Variants in RASGRP4 observed in about 807,000 individuals in gnomAD.
RASGRP4 encodes the protein RAS guanyl releasing protein 4.
In RASGRP4, 52 loss-of-function variants were observed where a neutral mutation model predicts 84.4. The observed-to-expected ratio is 0.62, with a 90% CI of 0.49 to 0.78. RASGRP4 has a LOEUF of 0.78. Ranked by LOEUF, RASGRP4 falls within the 30% of genes least tolerant of loss-of-function variation. The pLI, the probability that RASGRP4 is intolerant of heterozygous loss-of-function variation, is 0.00. For synonymous variants in RASGRP4, 356 were observed against 359.1 expected, an observed-to-expected ratio of 0.99 and a Z score of 0.10; for missense variants, 760 against 886.9, an observed-to-expected ratio of 0.86 and a Z score of 1.82.
At chr19:38,425,192 AAAAC>A (rs1391891085) in intron 1 of RASGRP4, among the ~76,000 whole-genome samples, 13 of 150,168 alleles carry the variant, frequency 8.7e-5, no homozygotes, top group Non-Finnish European at 1.3e-4. Flanking sequence ...TCAAAAAAAA[AAAAC>A]AAAAAAAAAA....
chr19:38,420,296 G>C, intron 4 of RASGRP4, 34 bp from the exon 5 acceptor site: 1 of 1,604,604 alleles, frequency 6.2e-7, no homozygotes, highest in Admixed American at 1.7e-5. Flanking sequence ...AGATGAGGCC[G>C]GGGGTGGCGA....
intron 1 of RASGRP4, among the ~76,000 whole-genome samples, chr19:38,422,590 T>C (rs1323973731): frequency 6.7e-6 from 1 of 148,186 alleles, no homozygotes; most frequent in Non-Finnish European, 1.5e-5. Flanking sequence ...GCGAGGGATC[T>C]AGGCTGCGTG....
intron 1 of RASGRP4, among the ~76,000 whole-genome samples, chr19:38,424,619 G>C (rs987320392): frequency 2.1e-5 from 3 of 142,748 alleles, no homozygotes; most frequent in Non-Finnish European, 1.5e-5. Flanking sequence ...GTGTCAATGG[G>C]GGGGGGGGTC....
intron 1 of RASGRP4, among the ~76,000 whole-genome samples, chr19:38,423,504 T>C (rs1172021110): frequency 6.9e-6 from 1 of 144,594 alleles, no homozygotes; most frequent in Non-Finnish European, 1.5e-5. Flanking sequence ...CCAACCTGGG[T>C]GACAGAGTGA....
intron 9 of RASGRP4, among the ~76,000 whole-genome samples, chr19:38,414,374 A>G (rs1269650440): frequency 1.3e-5 from 1 of 77,286 alleles, no homozygotes; most frequent in Non-Finnish European, 2.1e-5. Flanking sequence ...GCTGGGGTGC[A>G]ATGGCGCAAT....
Position 38,411,189 on chromosome 19 carries a change from CTCT to C in RASGRP4, c.1775_1777del (p.Lys592del), listed in dbSNP as rs770449258. ...TCCTGCATCGCCCTTGGCCCCTGGC[CTCT>C]TCTTACATTCTACCTTCACCTGGTC... On this transcript the variant is annotated inframe_deletion, in exon 15 of 17. Coordinates refer to ENST00000615439, the MANE Select transcript of RASGRP4 (RefSeq NM_170604.3). The C allele has an allele frequency of 1.2e-6, 2 of 1,613,974 alleles. No homozygotes were observed. The highest frequency in any genetic ancestry group is 1.7e-6 in the Non-Finnish European group (2 of 1,179,892).
At position 38,413,399 on chromosome 19, in the gene RASGRP4, T is replaced by C; in HGVS notation, c.1306A>G (p.Ser436Gly). 2 of 1,609,592 alleles carry C rather than the reference T, an allele frequency of 1.2e-6. No homozygotes were observed. The highest frequency in any genetic ancestry group is 1.7e-6 in the Non-Finnish European group (2 of 1,177,972). The change falls in exon 10 of 17, where the codon AGC (serine) becomes GGC (glycine). Residue 436 changes from serine to glycine, a missense_variant. Coordinates refer to ENST00000615439, the MANE Select transcript of RASGRP4 (RefSeq NM_170604.3). The surrounding 1 kb of genome is among the most constrained non-coding windows in gnomAD (Gnocchi z 4.7). The stretch of plus-strand genomic sequence containing the variant: ...GGCCAGGGGTTGGGTCTCACCAGGC[T>C]CTTGGGACAACGCGGCTCCCGGGCA... ...SYAREPRCPK[S>G]LPPSPFNAPL...
At position 38,417,942 on chromosome 19, in the gene RASGRP4, A is replaced by AG. The variant is rs1971568659; in HGVS notation, c.837+448dup. 1.0e-5 allele frequency among the ~76,000 whole-genome samples: 1 copy of AG among 99,890 alleles called. No individual in the cohort carries two copies. The highest frequency in any genetic ancestry group is 2.0e-5 in the Non-Finnish European group (1 of 49,420). The allele number at this position is 99,890 out of a possible 152,430, so 65.5% of individuals were successfully genotyped here. On this transcript the variant is annotated intron_variant, in intron 7 of 16. Coordinates refer to ENST00000615439, the MANE Select transcript of RASGRP4 (RefSeq NM_170604.3). This position sits in a 1 kb window ranked among gnomAD's most constrained non-coding sequence, Gnocchi z 5.1. ...AAGGGCGAGAAGGTGTCCGGAAAGG[A>AG]GGGGGAAGGGAGGGGAAGAGAAGGG... is the stretch of plus-strand genomic sequence containing the variant.
chr19:38,417,848 C>T lies in RASGRP4; in HGVS notation c.837+543G>A, dbSNP rs1030565328. On this transcript the variant is annotated intron_variant, in intron 7 of 16. Transcript: ENST00000615439. The surrounding 1 kb of genome is among the most constrained non-coding windows in gnomAD (Gnocchi z 5.1). ...GCCAGGGAAGACACCAGAGGAAGGG[C>T]GTGGTCTGCGTGGAAATACGCAAGG... 6.6e-6 allele frequency among the ~76,000 whole-genome samples: 1 copy of T among 152,064 alleles called. No individual in the cohort carries two copies. The highest frequency in any genetic ancestry group is 1.5e-5 in the Non-Finnish European group (1 of 67,990).
At chr19:38,410,425 T>C (rs1971185466) in intron 16 of RASGRP4, among the ~76,000 whole-genome samples, 1 of 151,524 alleles carries the variant, frequency 6.6e-6, no homozygotes, top group Admixed American at 6.6e-5. Context: ...TTTTTTTTTT[T>C]TTTTTGAGAC....
At position 38,409,694 on chromosome 19, in the gene RASGRP4, C is replaced by G. The variant is rs1212372496; in HGVS notation, c.*346G>C. 1.2e-5 allele frequency: 2 copies of G among 163,540 alleles called. No homozygotes were observed. The highest frequency in any genetic ancestry group is 2.4e-5 in the African/African-American group (1 of 41,648). 10.1% of individuals were successfully genotyped at this position (163,540 alleles called of 1,614,324 possible). ...CGGAAGTTGCAGTGAGCTGAGATTGCATCATTGCACTCCAGCCTGGGTGAC... is the reference window on the plus strand; with the variant it reads ...CGGAAGTTGCAGTGAGCTGAGATTGGATCATTGCACTCCAGCCTGGGTGAC... On this transcript the variant is annotated 3_prime_UTR_variant, in exon 17 of 17. Coordinates refer to ENST00000615439, the MANE Select transcript of RASGRP4 (RefSeq NM_170604.3).
chr19:38,412,404 G>A lies in RASGRP4; in HGVS notation c.1680+268C>T. The A allele has an allele frequency of 2.3e-6, 1 of 439,590 alleles. No homozygotes were observed. The highest frequency in any genetic ancestry group is 4.1e-6 in the Non-Finnish European group (1 of 244,342). 27.2% of individuals were successfully genotyped at this position (439,590 alleles called of 1,614,324 possible). A position where few individuals can be genotyped will look rare whatever the true frequency, so the allele number is the denominator to read the frequency against. On this transcript the variant is annotated intron_variant, in intron 13 of 16. Coordinates refer to ENST00000615439, the MANE Select transcript of RASGRP4 (RefSeq NM_170604.3). This position sits in a 1 kb window ranked among gnomAD's most constrained non-coding sequence, Gnocchi z 4.6. ...CCCCAAGTGCTGGGATTACAGGCGTGAGCCACCACTCCTGGCCTCCTATCT... is the reference window on the plus strand; with the variant it reads ...CCCCAAGTGCTGGGATTACAGGCGTAAGCCACCACTCCTGGCCTCCTATCT...
chr19:38,423,867 G>A (rs62118965), intron 1 of RASGRP4, among the ~76,000 whole-genome samples: 1 of 151,880 alleles, frequency 6.6e-6, no homozygotes, highest in Non-Finnish European at 1.5e-5. Flanking sequence ...AGTAATAATA[G>A]TAATAATAAT....
Position 38,422,109 on chromosome 19 carries a change from C to T in RASGRP4, c.68G>A (p.Arg23Gln), listed in dbSNP as rs1220382436. ...CTTGTGGCGGCGCACTTGGCGGGGC[C>T]GGCCTCGCCCTCCTATTTTTCCGGT... ...ECTGKIGGRG[R>Q]PRQVRRHKTC... Residue 23 changes from arginine to glutamine, a missense_variant, in exon 2 of 17, where the codon CGG becomes CAG. By Grantham distance (43) the Arg-to-Gln change is conservative. Transcript: ENST00000615439. The T allele has an allele frequency of 1.2e-6, 2 of 1,612,846 alleles. No homozygotes were observed. Among genetic ancestry groups the T allele is most frequent in the African/African-American group, 1.3e-5 (1 of 74,916 alleles).
At position 38,420,184 on chromosome 19, in the gene RASGRP4, G is replaced by A. The variant is rs1048545329; in HGVS notation, c.456C>T (p.Thr152=). ...LEEVIGRFWA[T]VAREGNSAQR... Reference sequence around the variant, plus strand: ...GGGCTGAGTTGCCCTCCCGGGCCACGGTGGCCCAGAAACGACCTATGACTT... The same window carrying A: ...GGGCTGAGTTGCCCTCCCGGGCCACAGTGGCCCAGAAACGACCTATGACTT... The change falls in exon 5 of 17, where the codon ACC becomes ACT. Residue 152 remains threonine (T), a synonymous_variant. Coordinates refer to ENST00000615439, the MANE Select transcript of RASGRP4 (RefSeq NM_170604.3). The A allele has an allele frequency of 6.8e-6, 11 of 1,613,200 alleles. No individual in the cohort carries two copies. Among genetic ancestry groups the A allele is most frequent in the South Asian group, 3.3e-5 (3 of 90,990 alleles).
chr19:38,420,776 G>A, intron 4 of RASGRP4, 132 bp downstream of exon 4: 1 of 824,804 alleles, frequency 1.2e-6, no homozygotes, highest in African/African-American at 1.7e-5. Flanking sequence ...TGTCTCAGAA[G>A]TGGGATTTTG....
chr19:38,410,925 G>T lies in RASGRP4; in HGVS notation c.1926C>A (p.Thr642=), dbSNP rs1420262204. 1.2e-6 allele frequency: 2 copies of T among 1,605,008 alleles called. No individual in the cohort carries two copies. Among genetic ancestry groups the T allele is most frequent in the East Asian group, 2.2e-5 (1 of 44,556 alleles). Residue 642 remains threonine, a synonymous_variant, in exon 16 of 17, where the codon ACC becomes ACA. Transcript: ENST00000615439. Reference sequence around the variant, plus strand: ...AGGAAGGGTGTGGGGATTCAGTCTGGGTCCAGGCATGGCGAAGCTGGCACC... The same window carrying T: ...AGGAAGGGTGTGGGGATTCAGTCTGTGTCCAGGCATGGCGAAGCTGGCACC... The part of the protein sequence containing the change: ...ETGCQLRHAW[T]QTESPHPSWE...
In RASGRP4 at chr19:38,411,146, G is replaced by T. The variant is rs1458704719; in HGVS notation, c.1821C>A (p.Val607=). 1 of 1,613,714 alleles carries T rather than the reference G, an allele frequency of 6.2e-7. No homozygotes were observed. ...KGDAGPPGAP[V]PSTPAPHASC... ...TGGCATGGGGAGCTGGTGTGGATGG[G>T]ACAGGAGCTCCGGGGGGTCCTGCAT... is the stretch of plus-strand genomic sequence containing the variant. The change falls in exon 15 of 17, where the codon GTC becomes GTA. Residue 607 remains valine (V), a synonymous_variant. Coordinates refer to ENST00000615439, the MANE Select transcript of RASGRP4 (RefSeq NM_170604.3).
At chr19:38,416,553 T>C (rs1971511323) in intron 8 of RASGRP4, among the ~76,000 whole-genome samples, 1 of 151,124 alleles carries the variant, frequency 6.6e-6, no homozygotes, top group South Asian at 2.1e-4. Context: ...GCTAAAGTGA[T>C]CCTCCAATCT....
Sources: gnomAD v4.1 joint callset for allele counts (sites outside exome capture counted in the v4.1 genomes callset) on GRCh38, gnomAD v4.1.1 for gene constraint, Gnocchi (gnomAD v3.1) non-coding constraint, MANE v1.5 for transcripts, NCBI Gene and HGNC (gene_info 2026-07-23, HGNC 2026-07-21) for gene names.